LRRC56: variants seen among roughly 807,000 people sequenced by gnomAD.
LRRC56 encodes leucine-rich repeat-containing protein 56.
In LRRC56, 41 loss-of-function variants were observed where a neutral mutation model predicts 47.8. That is an observed-to-expected ratio of 0.86 (90% confidence interval 0.67 to 1.11). The LOEUF (loss-of-function observed/expected upper bound fraction) is 1.11. LRRC56 is among the 50% of genes most tolerant of loss of function. The probability of loss-of-function intolerance (pLI) is 0.00; values close to 1 mark genes in which losing one functional copy is unlikely to be tolerated. For missense variants in LRRC56, 759 were observed against 704.2 expected, an observed-to-expected ratio of 1.08 and a Z score of -0.88; for synonymous variants, 387 against 311.2, an observed-to-expected ratio of 1.24 and a Z score of -2.56.
At chr11:550,039 C>G in intron 7 of LRRC56, 33 bp from the exon 8 acceptor site, 1 of 1,611,362 alleles carries the variant, frequency 6.2e-7, no homozygotes, top group Admixed American at 1.7e-5. Flanking sequence ...CTGGGCTGGG[C>G]CGGGCCCTGG....
the LRRC56 span, chr11:507,284 A>G: frequency 7.0e-6 from 1 of 142,906 alleles, no homozygotes; most frequent in African/African-American, 2.6e-5. Flanking sequence ...GGCGGGGACT[A>G]CTGGGCGGGG....
chr11:507,634 G>A, the LRRC56 span, among the ~76,000 whole-genome samples: 1 of 152,230 alleles, frequency 6.6e-6, no homozygotes, highest in South Asian at 2.1e-4. Context: ...GCTGGGGCGC[G>A]GGGCGCGGCC....
At chr11:534,464 C>G, upstream of LRRC56, 1 of 667,986 alleles carries the variant, frequency 1.5e-6, no homozygotes, top group Non-Finnish European at 2.6e-6. Context: ...AAGGGCAAAC[C>G]CACAGCGGTC....
chr11:518,446 G>T, the LRRC56 span, among the ~76,000 whole-genome samples: 1 of 152,152 alleles, frequency 6.6e-6, no homozygotes, highest in Non-Finnish European at 1.5e-5. Flanking sequence ...CTCGCAAAGT[G>T]CTTGGGATTA....
At chr11:513,121 C>A in the LRRC56 span, among the ~76,000 whole-genome samples, 1 of 152,238 alleles carries the variant, frequency 6.6e-6, no homozygotes, top group African/African-American at 2.4e-5. Context: ...AGAGCTGTAA[C>A]CCTGCCGCTT....
chr11:523,083 C>T, the LRRC56 span, among the ~76,000 whole-genome samples: 2 of 152,124 alleles, frequency 1.3e-5, no homozygotes, highest in African/African-American at 4.8e-5. Flanking sequence ...GGCTGGAGTG[C>T]AATGGCGCCA....
chr11:534,773 G>A (rs1247589613), upstream of LRRC56, among the ~76,000 whole-genome samples: 2 of 152,240 alleles, frequency 1.3e-5, no homozygotes, highest in African/African-American at 4.8e-5. Flanking sequence ...GCAGGCTAGT[G>A]CCAGCCTGCA....
intron 5 of LRRC56, among the ~76,000 whole-genome samples, chr11:543,658 G>A (rs1851916853): frequency 6.6e-6 from 1 of 152,334 alleles, no homozygotes; most frequent in East Asian, 1.9e-4. Flanking sequence ...CCTGACCATT[G>A]TGTGTGGCTA....
rs1472024899 is a variant in LRRC56, at chr11:538,873, G to C, written c.-159+13G>C. On this transcript the variant is annotated intron_variant, in intron 2 of 13. Coordinates refer to ENST00000270115, the MANE Select transcript of LRRC56 (RefSeq NM_198075.4). ...AACCGAACACGTAGTAAGACACACA[G>C]GGCTCCGAAGGGAACTCGTCTCATC... 6.6e-6 allele frequency: 1 copy of C among 152,480 alleles called. No homozygotes were observed. Among genetic ancestry groups the C allele is most frequent in the East Asian group, 1.9e-4 (1 of 5,212 alleles). 9.4% of individuals were successfully genotyped at this position (152,480 alleles called of 1,614,324 possible).
chr11:523,960 C>G, the LRRC56 span, among the ~76,000 whole-genome samples: 1 of 151,988 alleles, frequency 6.6e-6, no homozygotes, highest in East Asian at 1.9e-4. Context: ...AAAAAGAAAA[C>G]TACAAGATCT....
At chr11:544,628 G>A in intron 5 of LRRC56, 92 bp from the exon 6 acceptor site, 1 of 1,336,148 alleles carries the variant, frequency 7.5e-7, no homozygotes, top group Admixed American at 1.8e-5. Flanking sequence ...AGCAGTGAGG[G>A]GCCGGGGGTG....
chr11:526,175 C>T, the LRRC56 span, among the ~76,000 whole-genome samples: 9 of 152,164 alleles, frequency 5.9e-5, no homozygotes, highest in African/African-American at 2.2e-4. Context: ...CCACTGCACT[C>T]CAGCCTGGGC....
At chr11:551,346 C>A (rs1452879369) in intron 9 of LRRC56, 44 bp downstream of exon 9, 2 of 1,380,890 alleles carry the variant, frequency 1.4e-6, no homozygotes, top group Non-Finnish European at 2.0e-6. Context: ...AGCCCCAGCT[C>A]CCCCCAGGAA....
At chr11:508,488 C>T in the LRRC56 span, among the ~76,000 whole-genome samples, 2 of 152,164 alleles carry the variant, frequency 1.3e-5, no homozygotes, top group African/African-American at 4.8e-5. Flanking sequence ...TGGTTCTGGC[C>T]GGGCGTGGTG....
At chr11:524,669 GAGAA>G in the LRRC56 span, among the ~76,000 whole-genome samples, 3 of 151,972 alleles carry the variant, frequency 2.0e-5, no homozygotes, top group Non-Finnish European at 2.9e-5. Context: ...AAATAAAAAA[GAGAA>G]AGGAAAATCT....
the LRRC56 span, among the ~76,000 whole-genome samples, chr11:526,089 C>T: frequency 0.012 from 1,862 of 151,956 alleles, 18 homozygotes; most frequent in Admixed American, 0.022. Flanking sequence ...TGCCTGTAGT[C>T]CCAGCTACTC....
chr11:548,369 C>T (rs1374281865), intron 6 of LRRC56, among the ~76,000 whole-genome samples: 1 of 152,220 alleles, frequency 6.6e-6, no homozygotes, highest in Non-Finnish European at 1.5e-5. Context: ...TAGCCTCGAC[C>T]TCCTGGGCTC....
upstream of LRRC56, among the ~76,000 whole-genome samples, chr11:533,105 C>G (rs1851206363): frequency 6.6e-6 from 1 of 152,252 alleles, no homozygotes; most frequent in Non-Finnish European, 1.5e-5. Flanking sequence ...CCGTGGGACA[C>G]TCTGGGGACA....
chr11:549,144 C>T (rs537897247), intron 6 of LRRC56, among the ~76,000 whole-genome samples: 1 of 152,288 alleles, frequency 6.6e-6, no homozygotes, highest in East Asian at 1.9e-4. Context: ...TCACAGCCTA[C>T]GGGTGCCGTG....
Sources: allele counts gnomAD v4.1 joint callset (sites outside exome capture counted in the v4.1 genomes callset), GRCh38; gene constraint gnomAD v4.1.1; transcripts MANE v1.5; gene names NCBI Gene and HGNC (gene_info 2026-07-23, HGNC 2026-07-21).